TALDO1: variants seen among roughly 807,000 people sequenced by gnomAD.
The protein encoded by TALDO1 is transaldolase 1.
TALDO1 carries 29 observed loss-of-function variants against 38.1 expected under a neutral mutation model. The observed-to-expected ratio is 0.76, with a 90% CI of 0.57 to 1.04. The LOEUF (loss-of-function observed/expected upper bound fraction) is 1.04, where lower values mean the gene tolerates loss of function less well. TALDO1 is among the 50% of genes least tolerant of loss of function. The pLI, the probability that TALDO1 is intolerant of heterozygous loss-of-function variation, is 0.00. For synonymous variants in TALDO1, 207 were observed against 176.8 expected, an observed-to-expected ratio of 1.17 and a Z score of -1.36; for missense variants, 499 against 438.1, an observed-to-expected ratio of 1.14 and a Z score of -1.24.
At position 763,817 on chromosome 11, in the gene TALDO1, C is replaced by T. The variant is rs779185882; in HGVS notation, c.708C>T (p.Ala236=). 7.4e-6 allele frequency: 12 copies of T among 1,614,000 alleles called. No homozygotes were observed. The highest frequency in any genetic ancestry group is 6.7e-5 in the East Asian group (3 of 44,896). Residue 236 remains alanine (A), a synonymous_variant, in exon 6 of 8, where the codon GCC becomes GCT. Coordinates refer to ENST00000319006, the MANE Select transcript of TALDO1 (RefSeq NM_006755.2). ...GCTACAAAACCATTGTCATGGGCGC[C>T]TCCTTCCGCAACACGGGCGAGATCA... ...KFSYKTIVMG[A]SFRNTGEIKA... is the part of the protein sequence containing the mutation.
intron 1 of TALDO1, 87 bp downstream of exon 1, chr11:747,665 C>T (rs1862684602): frequency 2.4e-6 from 3 of 1,229,518 alleles, no homozygotes; most frequent in Non-Finnish European, 3.4e-6. Flanking sequence ...CGTTCCGGGA[C>T]GCGGACCGGG....
intron 6 of TALDO1, 83 bp downstream of exon 6, chr11:764,027 C>A: frequency 6.5e-7 from 1 of 1,527,126 alleles, no homozygotes; most frequent in Non-Finnish European, 8.8e-7. Context: ...GTGATCCCTC[C>A]CACCTGTGGG....
Position 764,856 on chromosome 11 carries a change from A to C in TALDO1, c.*11A>C, listed in dbSNP as rs777706842. ...GAGAATGGAAAGTAGCGCATCCCTG[A>C]GGCTGGACTCCAGATCTGCACCGCC... On this transcript the variant is annotated 3_prime_UTR_variant, in exon 8 of 8. Transcript: ENST00000319006. The C allele has an allele frequency of 1.9e-6, 3 of 1,614,014 alleles. No individual in the cohort carries two copies. The highest frequency in any genetic ancestry group is 2.5e-6 in the Non-Finnish European group (3 of 1,180,042).
chr11:760,309 G>A (rs1862907632), intron 4 of TALDO1, 56 bp downstream of exon 4: 39 of 1,605,860 alleles, frequency 2.4e-5, no homozygotes, highest in Non-Finnish European at 3.2e-5. Context: ...TGTTGGAGCA[G>A]GGTCTACATG....
intron 4 of TALDO1, 58 bp from the exon 5 acceptor site, chr11:763,276 TCACCCGCCCC>T: frequency 5.2e-6 from 1 of 194,114 alleles, no homozygotes; most frequent in South Asian, 4.3e-5. Flanking sequence ...GTCCCCGCCC[TCACCCGCCCC>T]CGCCCTCACC....
chr11:760,084 G>T, intron 3 of TALDO1, 38 bp from the exon 4 acceptor site: 1 of 1,612,418 alleles, frequency 6.2e-7, no homozygotes, highest in Non-Finnish European at 8.5e-7. Flanking sequence ...TGGGCAACCT[G>T]CGTGATCTGA....
intron 1 of TALDO1, among the ~76,000 whole-genome samples, chr11:749,203 G>A (rs898096249): frequency 6.6e-6 from 1 of 152,074 alleles, no homozygotes; most frequent in Non-Finnish European, 1.5e-5. Flanking sequence ...AGGAGTTCGA[G>A]ACCAGCCTGA....
At chr11:753,790 C>T (rs1862789071) in intron 1 of TALDO1, among the ~76,000 whole-genome samples, 1 of 151,530 alleles carries the variant, frequency 6.6e-6, no homozygotes, top group Non-Finnish European at 1.5e-5. Flanking sequence ...GCCTGTAGTC[C>T]CAGCTACTGA....
intron 1 of TALDO1, among the ~76,000 whole-genome samples, chr11:749,623 T>C (rs1862718841): frequency 6.6e-6 from 1 of 152,192 alleles, no homozygotes; most frequent in Admixed American, 6.5e-5. Context: ...CTGTGAATGC[T>C]CTTCCCACAA....
chr11:759,467 G>T (rs1862895289), intron 3 of TALDO1, among the ~76,000 whole-genome samples: 1 of 150,958 alleles, frequency 6.6e-6, no homozygotes, highest in Non-Finnish European at 1.5e-5. Flanking sequence ...TGACCATTTT[G>T]GCCAGGCTGG....
intron 1 of TALDO1, among the ~76,000 whole-genome samples, chr11:755,134 C>CTTTTTTTTTTTTTTTTTTTTTTTT (rs1564991025): frequency 8.2e-6 from 1 of 122,014 alleles, no homozygotes. Context: ...TTCCCCTTGG[C>CTTTTTTTTTTTTTTTTTTTTTTTT]CTTTTTTTTT....
Position 763,483 on chromosome 11 carries a change from A to T in TALDO1, c.601A>T (p.Thr201Ser), listed in dbSNP as rs1450947947. The T allele has an allele frequency of 6.2e-7, 1 of 1,613,416 alleles. No individual in the cohort carries two copies. Reference protein sequence around the residue: ...GRILDWHVANTDKKSYEPLED... With the variant: ...GRILDWHVANSDKKSYEPLED... Reference sequence around the variant, plus strand: ...CATCCTTGATTGGCATGTGGCAAACACCGACAAGAAATCCTATGAGCCCCT... The same window carrying T: ...CATCCTTGATTGGCATGTGGCAAACTCCGACAAGAAATCCTATGAGCCCCT... Residue 201 changes from threonine (T) to serine (S), a missense_variant, in exon 5 of 8, where the codon ACC (threonine) becomes TCC (serine). By Grantham distance (58) the Thr-to-Ser change is moderately conservative (BLOSUM62 1). Transcript: ENST00000319006.
At chr11:762,297 C>T (rs983568309) in intron 4 of TALDO1, among the ~76,000 whole-genome samples, 12 of 152,158 alleles carry the variant, frequency 7.9e-5, no homozygotes, top group African/African-American at 2.9e-4. Context: ...GAAAATACTC[C>T]ATTTTATGGA....
chr11:759,434 G>A lies in TALDO1; in HGVS notation c.329+377G>A, dbSNP rs554269408. ...TGCCACCATGCCCAGCTAATTTGTT[G>A]TATTTTTAATAGAGATGGGGTTTGA... On this transcript the variant is annotated intron_variant, in intron 3 of 7. Coordinates refer to ENST00000319006, the MANE Select transcript of TALDO1 (RefSeq NM_006755.2). Among the ~76,000 whole-genome samples, 78 of 148,684 alleles carry A rather than the reference G, an allele frequency of 5.2e-4. 1 individual carries two copies. Among genetic ancestry groups the A allele is most frequent in the African/African-American group, 1.8e-3 (74 of 40,238 alleles).
At chr11:764,790 G>T (rs530898872) in intron 7 of TALDO1, 23 bp from the exon 8 acceptor site, 2 of 1,614,176 alleles carry the variant, frequency 1.2e-6, no homozygotes, top group East Asian at 2.2e-5. Context: ...GGGAGACACA[G>T]CTCGTGCTCT....
At chr11:749,658 A>C (rs1160970875) in intron 1 of TALDO1, among the ~76,000 whole-genome samples, 2 of 152,182 alleles carry the variant, frequency 1.3e-5, no homozygotes, top group Admixed American at 6.5e-5. Context: ...TTTTGCATTC[A>C]GTTTAAGGAT....
chr11:764,137 G>A (rs1863008242), intron 6 of TALDO1, 151 bp from the exon 7 acceptor site: 1 of 1,470,996 alleles, frequency 6.8e-7, no homozygotes, highest in Non-Finnish European at 9.4e-7. Context: ...GGCTCTGTGG[G>A]CTGAACCCCA....
Position 753,276 on chromosome 11 carries a change from AACCC to A in TALDO1, c.98-2602_98-2599del, listed in dbSNP as rs1261126108. ...GCCGGGTGTGGTGGCTCACACCTGTAACCCCAGCACTTTGGGAGGCTGAGGCGGG... is the reference window on the plus strand; with the variant it reads ...GCCGGGTGTGGTGGCTCACACCTGTACAGCACTTTGGGAGGCTGAGGCGGG... On this transcript the variant is annotated intron_variant, in intron 1 of 7. Transcript: ENST00000319006. Among the ~76,000 whole-genome samples, 395 of 152,192 alleles carry A rather than the reference AACCC, an allele frequency of 2.6e-3. 3 individuals carry two copies. Among genetic ancestry groups the A allele is most frequent in the African/African-American group, 9.1e-3 (377 of 41,534 alleles).
chr11:763,424 C>G lies in TALDO1; in HGVS notation c.542C>G (p.Ala181Gly). 6.2e-7 allele frequency: 1 copy of G among 1,613,578 alleles called. No homozygotes were observed. Among genetic ancestry groups the G allele is most frequent in the South Asian group, 1.1e-5 (1 of 91,046 alleles). Residue 181 changes from alanine (A) to glycine (G), a missense_variant, in exon 5 of 8, where the codon GCG (alanine) becomes GGG (glycine). Physicochemically the swap from Ala to Gly is moderately conservative, Grantham distance 60 (BLOSUM62 0). Transcript: ENST00000319006. Reference protein sequence around the residue: ...SFAQAVACAEAGVTLISPFVG... With the variant: ...SFAQAVACAEGGVTLISPFVG... ...GCCCAGGCTGTGGCCTGTGCCGAGG[C>G]GGGTGTGACCCTCATCTCCCCATTT...
Sources: allele counts gnomAD v4.1 joint callset (sites outside exome capture counted in the v4.1 genomes callset), GRCh38; gene constraint gnomAD v4.1.1; transcripts MANE v1.5; gene names NCBI Gene and HGNC (gene_info 2026-07-23, HGNC 2026-07-21).